ADAMTS18: variants seen among roughly 807,000 people sequenced by gnomAD.
ADAMTS18 encodes the protein ADAM metallopeptidase with thrombospondin type 1 motif 18, also known as A disintegrin and metalloproteinase with thrombospondin motifs 18.
Under a neutral mutation model 165.9 loss-of-function variants are expected in ADAMTS18, and 157 were observed. The observed-to-expected ratio is 0.95, with a 90% CI of 0.83 to 1.08. The LOEUF (loss-of-function observed/expected upper bound fraction) is 1.08. Among genes scored for constraint, ADAMTS18 ranks in the 50% least tolerant of loss-of-function variants. ADAMTS18 has a pLI of 0.00. For missense variants in ADAMTS18, 2,040 were observed against 1,534.0 expected (o/e 1.33, Z -5.51); for synonymous variants, 782 against 578.2 (o/e 1.35, Z -5.06).
chr16:77,385,598 T>G (rs1407284512), intron 3 of ADAMTS18, among the ~76,000 whole-genome samples: 5 of 152,192 alleles, frequency 3.3e-5, no homozygotes, highest in Non-Finnish European at 1.5e-5. Context: ...CCTGCCTCCC[T>G]TGGAACTGAC....
intron 10 of ADAMTS18, among the ~76,000 whole-genome samples, chr16:77,346,803 A>T (rs1289790199): frequency 2.0e-5 from 3 of 152,226 alleles, no homozygotes; most frequent in Non-Finnish European, 4.4e-5. Context: ...ATGCCATTTT[A>T]AAAATCAACT....
chr16:77,377,125 A>G (rs1434671896), intron 3 of ADAMTS18, among the ~76,000 whole-genome samples: 1 of 152,192 alleles, frequency 6.6e-6, no homozygotes, highest in Non-Finnish European at 1.5e-5. Flanking sequence ...TCAAGGGCCA[A>G]AATAATTCTT....
intron 8 of ADAMTS18, among the ~76,000 whole-genome samples, chr16:77,356,902 G>A (rs1002781934): frequency 4.6e-5 from 7 of 151,338 alleles, no homozygotes; most frequent in East Asian, 1.9e-4. Flanking sequence ...TACTTCAGGC[G>A]ATGTTAAAGT....
chr16:77,406,452 T>G (rs376054797), intron 3 of ADAMTS18, among the ~76,000 whole-genome samples: 58 of 152,220 alleles, frequency 3.8e-4, no homozygotes, highest in African/African-American at 1.1e-3. Context: ...TTATCACTTG[T>G]AATTATCACC....
intron 16 of ADAMTS18, among the ~76,000 whole-genome samples, chr16:77,302,203 G>A (rs1233203255): frequency 6.6e-6 from 1 of 152,070 alleles, no homozygotes; most frequent in African/African-American, 2.4e-5. Flanking sequence ...AGTAAATACA[G>A]AAACTTTACA....
chr16:77,307,798 A>C (rs561582787), intron 16 of ADAMTS18, among the ~76,000 whole-genome samples: 1 of 152,128 alleles, frequency 6.6e-6, no homozygotes, highest in African/African-American at 2.4e-5. Flanking sequence ...ATCTTGAGGC[A>C]CTTCCTTACT....
intron 5 of ADAMTS18, 132 bp from the exon 6 acceptor site, chr16:77,364,017 C>T: frequency 8.1e-7 from 1 of 1,240,722 alleles, no homozygotes; most frequent in East Asian, 2.5e-5. Flanking sequence ...ACAATTTCCT[C>T]AAAACTCAAC....
At chr16:77,299,603 AT>A (rs1453896128) in intron 17 of ADAMTS18, among the ~76,000 whole-genome samples, 1 of 152,196 alleles carries the variant, frequency 6.6e-6, no homozygotes, top group Non-Finnish European at 1.5e-5. Flanking sequence ...TCAGGAACTT[AT>A]TTTGGGCACT....
intron 16 of ADAMTS18, among the ~76,000 whole-genome samples, chr16:77,318,393 G>A (rs1027929218): frequency 6.6e-6 from 1 of 152,172 alleles, no homozygotes; most frequent in East Asian, 1.9e-4. Flanking sequence ...GTGGCCAAGT[G>A]AGCCAGGAAG....
intron 16 of ADAMTS18, among the ~76,000 whole-genome samples, chr16:77,301,360 C>T (rs2055579456): frequency 6.6e-6 from 1 of 152,062 alleles, no homozygotes; most frequent in African/African-American, 2.4e-5. Flanking sequence ...AGCCACCAAC[C>T]AAAATGTGCC....
chr16:77,334,790 A>G (rs2056274607), intron 12 of ADAMTS18, among the ~76,000 whole-genome samples: 3 of 22,024 alleles, frequency 1.4e-4, no homozygotes, highest in South Asian at 1.2e-3. Flanking sequence ...TATACAGTAA[A>G]TATACTATAT....
chr16:77,320,352 C>A (rs1177783771), intron 15 of ADAMTS18, among the ~76,000 whole-genome samples: 1 of 152,124 alleles, frequency 6.6e-6, no homozygotes, highest in Non-Finnish European at 1.5e-5. Context: ...CTTCTCCTTC[C>A]CAGACCACAA....
At chr16:77,302,914 A>G (rs1255209980) in intron 16 of ADAMTS18, among the ~76,000 whole-genome samples, 1 of 152,222 alleles carries the variant, frequency 6.6e-6, no homozygotes, top group African/African-American at 2.4e-5. Context: ...CTGTGATGAT[A>G]AAAGTGTCAC....
At chr16:77,311,687 C>A (rs1325091203) in intron 16 of ADAMTS18, among the ~76,000 whole-genome samples, 1 of 133,634 alleles carries the variant, frequency 7.5e-6, no homozygotes, top group Non-Finnish European at 1.6e-5. Context: ...AGACAAAATA[C>A]TAGATTACTG....
chr16:77,342,726 C>T (rs532365583), intron 10 of ADAMTS18, among the ~76,000 whole-genome samples: 55 of 152,292 alleles, frequency 3.6e-4, no homozygotes, highest in African/African-American at 1.3e-3. Flanking sequence ...GCATACTAAT[C>T]CTGGGATCCT....
chr16:77,407,845 T>A (rs910283320), intron 3 of ADAMTS18, among the ~76,000 whole-genome samples: 11 of 152,106 alleles, frequency 7.2e-5, no homozygotes, highest in Non-Finnish European at 2.9e-5. Flanking sequence ...GAATTTTACA[T>A]TGGAAAATAT....
intron 3 of ADAMTS18, among the ~76,000 whole-genome samples, chr16:77,372,457 G>A (rs1312889003): frequency 6.6e-6 from 1 of 152,154 alleles, no homozygotes; most frequent in African/African-American, 2.4e-5. Flanking sequence ...TGTAATTTGT[G>A]GTAACACAGG....
intron 3 of ADAMTS18, among the ~76,000 whole-genome samples, chr16:77,430,676 C>G (rs1294866888): frequency 6.6e-5 from 10 of 152,290 alleles, no homozygotes; most frequent in Middle Eastern, 3.4e-3. Flanking sequence ...GCCTGGTGCT[C>G]AGCAGATGAG....
In ADAMTS18 at chr16:77,310,148, G is replaced by T. The variant is rs572937376; in HGVS notation, c.2532+9701C>A. On this transcript the variant is annotated intron_variant, in intron 16 of 22. Coordinates refer to ENST00000282849, the MANE Select transcript of ADAMTS18 (RefSeq NM_199355.4). ...TTCACTCCTGGCTTCAGTGAAAGAA[G>T]CTCTCCTTTTATGTTTTGCTTCCAT... Among the ~76,000 whole-genome samples, 14 of 152,212 alleles carry T rather than the reference G, an allele frequency of 9.2e-5. No individual in the cohort carries two copies. The South Asian group carries it at 2.7e-3, about 29-fold the overall frequency.
Sources: gnomAD v4.1 joint callset for allele counts (sites outside exome capture counted in the v4.1 genomes callset) on GRCh38, gnomAD v4.1.1 for gene constraint, MANE v1.5 for transcripts, NCBI Gene and HGNC (gene_info 2026-07-23, HGNC 2026-07-21) for gene names.